The following POLQ variants were observed in gnomAD, a reference collection of about 807,000 sequenced individuals.
The protein encoded by POLQ is epididymis secretory sperm binding protein.
A neutral mutation model predicts 259.2 loss-of-function variants in POLQ; 233 were observed. The observed-to-expected ratio is 0.90, with a 90% CI of 0.81 to 1.00. The LOEUF is 1.00. Ranked by LOEUF, POLQ falls within the 50% of genes least tolerant of loss-of-function variation. POLQ has a pLI of 0.00. For synonymous variants in POLQ, 1,025 were observed against 1,048.8 expected (o/e 0.98, Z 0.44); for missense variants, 2,871 against 3,051.6 (o/e 0.94, Z 1.39).
chr3:121,467,905 C>T (rs1165766663), intron 23 of POLQ, among the ~76,000 whole-genome samples: 1 of 152,088 alleles, frequency 6.6e-6, no homozygotes, highest in Admixed American at 6.6e-5. Flanking sequence ...TGGTGGCACA[C>T]GCCTGTGGTC....
In POLQ at chr3:121,544,797, CT is replaced by C; in HGVS notation, c.272del (p.Lys91ArgfsTer21). 1.2e-6 allele frequency: 2 copies of C among 1,613,506 alleles called. No individual in the cohort carries two copies. Among genetic ancestry groups the C allele is most frequent in the Non-Finnish European group, 8.5e-7 (1 of 1,179,466 alleles). On this transcript the variant is annotated frameshift_variant, in exon 2 of 30. Transcript: ENST00000264233. LOFTEE classifies it high-confidence loss of function. ...LEKYHSFGVK[K>X]MFEWQAECLL... ...GGCACTCTGCCTGCCATTCAAACAT[CT>C]TTTTTACACCAAAACTGTGGTATTT...
At chr3:121,499,136 A>T (rs2048147108) in intron 12 of POLQ, among the ~76,000 whole-genome samples, 1 of 152,160 alleles carries the variant, frequency 6.6e-6, no homozygotes, top group Non-Finnish European at 1.5e-5. Flanking sequence ...AGGCCTCAGG[A>T]TTTACAAAAA....
At chr3:121,450,096 G>A (rs1170702682) in intron 25 of POLQ, among the ~76,000 whole-genome samples, 2 of 152,146 alleles carry the variant, frequency 1.3e-5, no homozygotes, top group Admixed American at 6.5e-5. Flanking sequence ...TCTTGCACAA[G>A]TCACTTAACC....
intron 7 of POLQ, among the ~76,000 whole-genome samples, chr3:121,523,184 A>ATT (rs751930004): frequency 1.5e-4 from 22 of 142,914 alleles, no homozygotes; most frequent in African/African-American, 5.6e-4. Flanking sequence ...CCCAGCTAGC[A>ATT]TTTTTTTTTT....
chr3:121,522,806 A>G (rs2048346882), intron 7 of POLQ, among the ~76,000 whole-genome samples: 1 of 152,170 alleles, frequency 6.6e-6, no homozygotes, highest in African/African-American at 2.4e-5. Flanking sequence ...GAGGAAGCAG[A>G]GTATTACGGA....
At chr3:121,453,325 CA>C in intron 25 of POLQ, among the ~76,000 whole-genome samples, 1 of 152,298 alleles carries the variant, frequency 6.6e-6, no homozygotes, top group South Asian at 2.1e-4. Flanking sequence ...CTCTAAAAAG[CA>C]GAGCGCCTCT....
At position 121,483,767 on chromosome 3, in the gene POLQ, A is replaced by G. The variant is rs181929611; in HGVS notation, c.5774-185T>C. On this transcript the variant is annotated intron_variant, in intron 17 of 29. Transcript: ENST00000264233. ...CAGCTATGTAGATGAAGTGCATCAT[A>G]TATCTAAAAATTATGACTTGGGCTA... Among the ~76,000 whole-genome samples, 315 of 152,260 alleles carry G rather than the reference A, an allele frequency of 2.1e-3. 1 individual carries two copies. Among genetic ancestry groups the G allele is most frequent in the Non-Finnish European group, 8.4e-4 (57 of 67,996 alleles).
At chr3:121,481,530 C>T in intron 19 of POLQ, 42 bp downstream of exon 19, 1 of 1,529,264 alleles carries the variant, frequency 6.5e-7, no homozygotes, top group Non-Finnish European at 8.8e-7. Context: ...AAATCTCTAT[C>T]TCTAATCTAT....
chr3:121,533,538 C>T (rs1433968107), intron 5 of POLQ, among the ~76,000 whole-genome samples: 1 of 151,890 alleles, frequency 6.6e-6, no homozygotes, highest in Non-Finnish European at 1.5e-5. Flanking sequence ...TTTTTTTAGA[C>T]AGGGTCTTGC....
chr3:121,501,922 G>A lies in POLQ; in HGVS notation c.1960-3252C>T, dbSNP rs866536902. On this transcript the variant is annotated intron_variant, in intron 12 of 29. Coordinates refer to ENST00000264233, the MANE Select transcript of POLQ (RefSeq NM_199420.4). ...TGAGAATTGCTTGAACCTGGGAGGC[G>A]GAGGTTGCAGTGAGCAGAGACTGCA... Among the ~76,000 whole-genome samples the A allele has an allele frequency of 4.6e-5, 7 of 150,576 alleles. No homozygotes were observed. In the East Asian group the frequency reaches 7.8e-4, roughly 17 times the overall value.
intron 16 of POLQ, 22 bp from the exon 17 acceptor site, chr3:121,485,206 C>T (rs867402441): frequency 6.7e-7 from 1 of 1,496,270 alleles, no homozygotes; most frequent in Non-Finnish European, 9.1e-7. Context: ...AAAAGTGAAA[C>T]AGTTAAAAAT....
chr3:121,521,924 T>G, intron 8 of POLQ, 79 bp downstream of exon 8: 1 of 1,019,016 alleles, frequency 9.8e-7, no homozygotes, highest in South Asian at 1.9e-5. Flanking sequence ...TAACAAGAAA[T>G]AAATGTACAC....
At chr3:121,501,411 G>A (rs913787968) in intron 12 of POLQ, among the ~76,000 whole-genome samples, 2 of 151,616 alleles carry the variant, frequency 1.3e-5, no homozygotes, top group Non-Finnish European at 1.5e-5. Context: ...TGTAATCCCA[G>A]CACTTTGGGA....
In POLQ at chr3:121,537,132, C is replaced by T. The variant is rs1212128789; in HGVS notation, c.708G>A (p.Lys236=). Residue 236 remains lysine (K), a synonymous_variant, in exon 5 of 30, where the codon AAG becomes AAA. Coordinates refer to ENST00000264233, the MANE Select transcript of POLQ (RefSeq NM_199420.4). ...RGYLLELLLT[K]ICYITRKSAS... Reference sequence around the variant, plus strand: ...CTGATTTCCGAGTAATATAGCAAATCTTGGTCAGCAAAAGTTCCAGCAGAT... The same window carrying T: ...CTGATTTCCGAGTAATATAGCAAATTTTGGTCAGCAAAAGTTCCAGCAGAT... The T allele has an allele frequency of 1.3e-6, 2 of 1,593,220 alleles. No homozygotes were observed. The highest frequency in any genetic ancestry group is 2.7e-5 in the African/African-American group (2 of 74,460).
rs573986613 is a variant in POLQ, at chr3:121,488,960, A to C, written c.3971T>G (p.Leu1324Arg). 335 of 1,613,994 alleles carry C rather than the reference A, an allele frequency of 2.1e-4. 1 individual carries two copies. In the South Asian group the frequency reaches 3.4e-3, roughly 16 times the overall value. The change falls in exon 16 of 30, where the codon CTG (leucine) becomes CGG (arginine). Residue 1324 changes from leucine (L) to arginine (R), a missense_variant. Around this residue, in one of 3 missense-constraint regions of POLQ, gnomAD observed 2,080 missense variants for 2,126.0 expected, o/e 0.98. Coordinates refer to ENST00000264233, the MANE Select transcript of POLQ (RefSeq NM_199420.4). ...TATTATTTTCTCTGACTGAGTATCC[A>C]GATAGAAACTATCTTCAAAATCACA... Reference protein sequence around the residue: ...VLCDFEDSFYLDTQSEKIIQQ... With the variant: ...VLCDFEDSFYRDTQSEKIIQQ...
At position 121,449,390 on chromosome 3, in the gene POLQ, A is replaced by G; in HGVS notation, c.7189T>C (p.Ser2397Pro). Reference protein sequence around the residue: ...YGIIYGMGAKSLGEQMGIKEN... With the variant: ...YGIIYGMGAKPLGEQMGIKEN... ...TTAATGCCCATCTGCTCTCCCAAAG[A>G]TTTAGCTCCCATTCCATAAATGATC... Residue 2397 changes from serine (S) to proline (P), a missense_variant, in exon 26 of 30, where the codon TCT becomes CCT. Around this residue, in one of 3 missense-constraint regions of POLQ, gnomAD observed 2,080 missense variants for 2,126.0 expected, o/e 0.98. Coordinates refer to ENST00000264233, the MANE Select transcript of POLQ (RefSeq NM_199420.4). The G allele has an allele frequency of 6.2e-7, 1 of 1,604,948 alleles. No homozygotes were observed. Among genetic ancestry groups the G allele is most frequent in the Non-Finnish European group, 8.5e-7 (1 of 1,171,732 alleles).
Position 121,487,857 on chromosome 3 carries a change from C to T in POLQ, c.5074G>A (p.Gly1692Arg). 6.2e-7 allele frequency: 1 copy of T among 1,610,690 alleles called. No individual in the cohort carries two copies. Among genetic ancestry groups the T allele is most frequent in the Non-Finnish European group, 8.5e-7 (1 of 1,178,950 alleles). Residue 1692 changes from glycine to arginine, a missense_variant, in exon 16 of 30, where the codon GGA (glycine) becomes AGA (arginine). By Grantham distance (125) the Gly-to-Arg change is moderately radical. This residue lies in a region of POLQ where 2,080 missense variants were observed against 2,126.0 expected (regional missense o/e 0.98). Transcript: ENST00000264233. ...ISNLETKQVQ[G>R]ISFSSNNEVK... ...TCATTATTAGAAGAAAATGAAATTC[C>T]CTGCACTTGTTTTGTCTCCAAGTTT... is the stretch of plus-strand genomic sequence containing the variant.
At chr3:121,511,759 C>G in intron 10 of POLQ, 128 bp downstream of exon 10, 1 of 717,752 alleles carries the variant, frequency 1.4e-6, no homozygotes, top group Non-Finnish European at 2.1e-6. Flanking sequence ...GCCTGGGTAA[C>G]AGAGTGAGAC....
rs759325982 is a variant in POLQ at position 121,545,723 on chromosome 3, G to A, written c.155C>T (p.Ala52Val). 3 of 1,564,298 alleles carry A rather than the reference G, an allele frequency of 1.9e-6. No individual in the cohort carries two copies. The highest frequency in any genetic ancestry group is 2.6e-6 in the Non-Finnish European group (3 of 1,155,370). Residue 52 changes from alanine to valine, a missense_variant, in exon 1 of 30, where the codon GCA (alanine) becomes GTA (valine). Transcript: ENST00000264233. ...PPGLGRCLKA[A>V]AAGECKPTVP... ...CCGGGTTCCTGGAGCACCTGCAGCT[G>A]CGGCCTTCAGGCAGCGACCAAGGCC...
Sources: allele counts gnomAD v4.1 joint callset (sites outside exome capture counted in the v4.1 genomes callset), GRCh38; gene constraint gnomAD v4.1.1; regional missense constraint gnomAD v4.1.1; transcripts MANE v1.5; gene names NCBI Gene and HGNC (gene_info 2026-07-23, HGNC 2026-07-21).